Variants in THOC2 observed in about 807,000 individuals in gnomAD.
THOC2 encodes the protein THO complex 2.
In THOC2, 10 loss-of-function variants were observed where a neutral mutation model predicts 128.4. The ratio of observed to expected loss-of-function variants is 0.08; its 90% CI spans 0.05 to 0.13. The LOEUF (loss-of-function observed/expected upper bound fraction) is 0.13, where lower values mean the gene tolerates loss of function less well. Ranked by LOEUF, THOC2 falls within the 10% of genes least tolerant of loss-of-function variation. The pLI is 1.00. For synonymous variants in THOC2, 393 were observed against 396.9 expected (o/e 0.99, Z 0.12); for missense variants, 535 against 1,155.7 (o/e 0.46, Z 7.79).
Position 123,631,921 on chromosome X carries a change from T to C in THOC2, c.2317-69A>G, listed in dbSNP as rs771163192. 6.9e-6 allele frequency: 7 copies of C among 1,012,959 alleles called. No homozygotes were observed. In the Admixed American group the frequency reaches 8.6e-5, roughly 12 times the overall value. The allele number at this position is 1,012,959 out of a possible 1,213,427, so 83.5% of individuals were successfully genotyped here. ...GATTAAGAAGTCATTTTAGGAATATTTTAACAATTAAGAATCCAAATTTTA... is the reference window on the plus strand; with the variant it reads ...GATTAAGAAGTCATTTTAGGAATATCTTAACAATTAAGAATCCAAATTTTA... On this transcript the variant is annotated intron_variant, in intron 21 of 38. Transcript: ENST00000245838.
chrX:123,709,253 A>G (rs2147943359), intron 2 of THOC2, among the ~76,000 whole-genome samples: 1 of 112,018 alleles, frequency 8.9e-6, no homozygotes, highest in Admixed American at 9.5e-5. Context: ...ATTCAATAAA[A>G]TATTTTATCT....
chrX:123,684,281 A>G (rs1184020031), intron 8 of THOC2, among the ~76,000 whole-genome samples: 1 of 112,183 alleles, frequency 8.9e-6, no homozygotes, highest in African/African-American at 3.2e-5. Flanking sequence ...GTTAAATTTC[A>G]GCCAACCTGT....
intron 18 of THOC2, among the ~76,000 whole-genome samples, chrX:123,636,392 G>T (rs1224977665): frequency 8.9e-6 from 1 of 111,738 alleles, no homozygotes; most frequent in African/African-American, 3.3e-5. Context: ...TTTAATCCTT[G>T]CAACTATTAT....
chrX:123,714,934 G>C (rs2147960542), intron 1 of THOC2, among the ~76,000 whole-genome samples: 1 of 106,305 alleles, frequency 9.4e-6, no homozygotes, highest in East Asian at 3.0e-4. Context: ...AATACCTTCA[G>C]ACAAATGAAA....
At chrX:123,639,176 T>A (rs762639166) in intron 16 of THOC2, 149 bp from the exon 17 acceptor site, 1 of 281,408 alleles carries the variant, frequency 3.6e-6, no homozygotes, top group East Asian at 5.3e-5. Flanking sequence ...ACAAAGTGGT[T>A]TCTATATAAA....
intron 12 of THOC2, among the ~76,000 whole-genome samples, chrX:123,657,960 CGTGTGTGTGTGTGTGTGTGTGTGT>C (rs60969537): frequency 1.6e-3 from 152 of 94,811 alleles, no homozygotes; most frequent in African/African-American, 5.8e-3. Context: ...TACGCATATG[CGTGTGTGTGTGTGTGTGTGTGTGT>C]GTGTGTGTGT....
chrX:123,662,986 A>G (rs1012347894), intron 12 of THOC2, among the ~76,000 whole-genome samples: 2 of 112,102 alleles, frequency 1.8e-5, no homozygotes, highest in African/African-American at 6.5e-5. Flanking sequence ...GAACAATTAG[A>G]AGTCTCATAC....
chrX:123,645,950 A>C (rs1319091414), intron 12 of THOC2, among the ~76,000 whole-genome samples: 1 of 49,726 alleles, frequency 2.0e-5, no homozygotes, highest in African/African-American at 8.7e-5. Flanking sequence ...CAACAAGAGC[A>C]AAAAAAAAAA....
chrX:123,704,852 T>C (rs1243486624), intron 3 of THOC2, among the ~76,000 whole-genome samples: 2 of 111,512 alleles, frequency 1.8e-5, no homozygotes, highest in East Asian at 5.6e-4. Flanking sequence ...AGCAAGACAC[T>C]GTCTTGGAGA....
chrX:123,636,495 G>C (rs1270858824), intron 18 of THOC2, among the ~76,000 whole-genome samples: 1 of 111,766 alleles, frequency 8.9e-6, no homozygotes, highest in Non-Finnish European at 1.9e-5. Flanking sequence ...AGAGCAGTAA[G>C]TCAAATCTTT....
intron 33 of THOC2, among the ~76,000 whole-genome samples, chrX:123,616,081 T>C: frequency 9.0e-6 from 1 of 111,373 alleles, no homozygotes; most frequent in Non-Finnish European, 1.9e-5. Context: ...AGAATGGTTG[T>C]TCATTTTTAT....
chrX:123,683,341 A>G (rs762931068), intron 8 of THOC2, among the ~76,000 whole-genome samples: 3 of 110,991 alleles, frequency 2.7e-5, no homozygotes, highest in Non-Finnish European at 3.8e-5. Context: ...GCTGGTCAAC[A>G]TATGAGTTGG....
chrX:123,677,948 G>A (rs2147842123), intron 8 of THOC2, among the ~76,000 whole-genome samples: 1 of 109,682 alleles, frequency 9.1e-6, no homozygotes, highest in African/African-American at 3.3e-5. Flanking sequence ...ACACACATGA[G>A]CCTAGGCCTA....
At chrX:123,606,244 C>G (rs1229279188) in intron 38 of THOC2, among the ~76,000 whole-genome samples, 5 of 103,807 alleles carry the variant, frequency 4.8e-5, no homozygotes, top group Non-Finnish European at 2.0e-5. Flanking sequence ...TCAATACCAG[C>G]CTGGGCAATA....
At chrX:123,691,488 G>A (rs1318680190) in intron 7 of THOC2, among the ~76,000 whole-genome samples, 2 of 111,656 alleles carry the variant, frequency 1.8e-5, no homozygotes, top group Admixed American at 9.5e-5. Flanking sequence ...AGTCAAAGGG[G>A]TGAAATGTCC....
At chrX:123,677,043 G>A (rs1267571026) in intron 8 of THOC2, among the ~76,000 whole-genome samples, 2 of 111,251 alleles carry the variant, frequency 1.8e-5, no homozygotes, top group Admixed American at 9.6e-5. Flanking sequence ...AAGCCTATAT[G>A]GTACATAACC....
intron 8 of THOC2, among the ~76,000 whole-genome samples, chrX:123,680,586 C>T (rs2049728904): frequency 9.0e-6 from 1 of 110,535 alleles, no homozygotes; most frequent in Non-Finnish European, 1.9e-5. Flanking sequence ...TCTCGTTCCA[C>T]CTAACGAAAA....
intron 9 of THOC2, among the ~76,000 whole-genome samples, chrX:123,669,334 T>G (rs1603290642): frequency 9.1e-6 from 1 of 109,457 alleles, no homozygotes; most frequent in East Asian, 2.9e-4. Context: ...TTTTTTTTTT[T>G]TTTTGAGACA....
Position 123,619,384 on chromosome X carries a change from T to G in THOC2, c.4311+17A>C. 1 of 1,098,713 alleles carries G rather than the reference T, an allele frequency of 9.1e-7. No homozygotes were observed. Among genetic ancestry groups the G allele is most frequent in the South Asian group, 2.0e-5 (1 of 50,798 alleles). 90.5% of individuals were successfully genotyped at this position (1,098,713 alleles called of 1,213,427 possible). On this transcript the variant is annotated intron_variant, in intron 33 of 38. Coordinates refer to ENST00000245838, the MANE Select transcript of THOC2 (RefSeq NM_001081550.2). ...CATTTGGTTTACTTAGGCATGATGA[T>G]TTTAAAAGACTCAAACCTTTGCTGA...
Sources: gnomAD v4.1 joint callset for allele counts (sites outside exome capture counted in the v4.1 genomes callset) on GRCh38, gnomAD v4.1.1 for gene constraint, MANE v1.5 for transcripts, NCBI Gene and HGNC (gene_info 2026-07-23, HGNC 2026-07-21) for gene names.